CLTC: variants seen among roughly 807,000 people sequenced by gnomAD.
CLTC encodes the protein clathrin heavy chain 1.
In CLTC, 16 loss-of-function variants were observed where a neutral mutation model predicts 195.8. The ratio of observed to expected loss-of-function variants is 0.08; its 90% CI spans 0.06 to 0.12. The LOEUF is 0.12. CLTC is among the 10% of genes least tolerant of loss of function. The pLI is 1.00. For missense variants in CLTC, 796 were observed against 2,027.0 expected (o/e 0.39, Z 11.66); for synonymous variants, 667 against 689.4 (o/e 0.97, Z 0.51).
chr17:59,683,832 T>A lies in CLTC; in HGVS notation c.4324-43T>A. 1.9e-6 allele frequency: 3 copies of A among 1,610,782 alleles called. No individual in the cohort carries two copies. In the African/African-American group the frequency reaches 4.0e-5, roughly 21 times the overall value. On this transcript the variant is annotated intron_variant, in intron 27 of 31. Coordinates refer to ENST00000269122, the MANE Select transcript of CLTC (RefSeq NM_004859.4). This position sits in a 1 kb window ranked among gnomAD's most constrained non-coding sequence, Gnocchi z 6.1. ...CTTCGATAACTTTTGTCCCTGGGAC[T>A]TCAATAATGTGCTATATTTGTAACA...
In CLTC at chr17:59,655,947, A is replaced by C. The variant is rs1355307689; in HGVS notation, c.889A>C (p.Arg297=). The change falls in exon 6 of 32, where the codon AGA becomes CGA. Residue 297 remains arginine, a synonymous_variant. Transcript: ENST00000269122. ...GACTGGTACCTGCATCTACATGAAT[A>C]GAATCAGTGGAGAAACAATTTTTGT... is the stretch of plus-strand genomic sequence containing the variant. ...LETGTCIYMN[R]ISGETIFVTA... 1 of 1,613,274 alleles carries C rather than the reference A, an allele frequency of 6.2e-7. No homozygotes were observed. Among genetic ancestry groups the C allele is most frequent in the Non-Finnish European group, 8.5e-7 (1 of 1,179,744 alleles).
At chr17:59,625,953 C>T (rs1049732215) in intron 1 of CLTC, among the ~76,000 whole-genome samples, 1 of 152,122 alleles carries the variant, frequency 6.6e-6, no homozygotes. Context: ...AAGTACTTTA[C>T]GTAGCATTTT....
intron 1 of CLTC, among the ~76,000 whole-genome samples, chr17:59,643,974 C>A (rs1050303040): frequency 6.6e-6 from 1 of 152,130 alleles, no homozygotes; most frequent in African/African-American, 2.4e-5. Flanking sequence ...TAAAATAAAT[C>A]AAGAAACTCA....
intron 1 of CLTC, among the ~76,000 whole-genome samples, chr17:59,636,428 A>C (rs1331192267): frequency 6.6e-6 from 1 of 152,152 alleles, no homozygotes; most frequent in Non-Finnish European, 1.5e-5. Flanking sequence ...TAGATTTCTG[A>C]GTCTCATTGC....
At chr17:59,644,580 T>C (rs1555603010) in intron 2 of CLTC, 97 bp downstream of exon 2, 7 of 1,023,692 alleles carry the variant, frequency 6.8e-6, no homozygotes, top group Non-Finnish European at 9.9e-6. Context: ...GACGGAGTTT[T>C]ACTCTTGTCA....
rs1419182252 is a variant in CLTC, at chr17:59,676,966, T to G, written c.2574T>G (p.Leu858=). The G allele has an allele frequency of 1.2e-6, 2 of 1,614,058 alleles. No individual in the cohort carries two copies. Among genetic ancestry groups the G allele is most frequent in the Non-Finnish European group, 1.7e-6 (2 of 1,179,950 alleles). ...EVEKRNRLKL[L]LPWLEARIHE... Reference sequence around the variant, plus strand: ...CCTTTTTTCCTAGATTGAAACTGCTTCTGCCTTGGCTAGAGGCCAGAATTC... The same window carrying G: ...CCTTTTTTCCTAGATTGAAACTGCTGCTGCCTTGGCTAGAGGCCAGAATTC... Residue 858 remains leucine, a synonymous_variant, in exon 17 of 32, where the codon CTT becomes CTG. Coordinates refer to ENST00000269122, the MANE Select transcript of CLTC (RefSeq NM_004859.4).
Position 59,694,551 on chromosome 17 carries a change from T to C in CLTC, c.*699T>C, listed in dbSNP as rs1051934066. 1 of 227,820 alleles carries C rather than the reference T, an allele frequency of 4.4e-6. No homozygotes were observed. Among genetic ancestry groups the C allele is most frequent in the East Asian group, 6.4e-5 (1 of 15,744 alleles). 14.1% of individuals were successfully genotyped at this position (227,820 alleles called of 1,614,324 possible). On this transcript the variant is annotated 3_prime_UTR_variant, in exon 32 of 32. Coordinates refer to ENST00000269122, the MANE Select transcript of CLTC (RefSeq NM_004859.4). ...TGTGCTGTATCCTGTGCTTTTTCTG[T>C]GGGACCATTCCATTCAGGAGCAAAG...
At position 59,623,745 on chromosome 17, in the gene CLTC, T is replaced by A. The variant is rs149691845; in HGVS notation, c.42+3572T>A. On this transcript the variant is annotated intron_variant, in intron 1 of 31. Coordinates refer to ENST00000269122, the MANE Select transcript of CLTC (RefSeq NM_004859.4). ...TTGTTACCGTTGTGGCTTTTTCTCTTTGAGTTATTGTCCAGTAGAACTTTC... is the reference window on the plus strand; with the variant it reads ...TTGTTACCGTTGTGGCTTTTTCTCTATGAGTTATTGTCCAGTAGAACTTTC... Among the ~76,000 whole-genome samples the A allele has an allele frequency of 3.0e-4, 46 of 152,346 alleles. No individual in the cohort carries two copies. The East Asian group carries it at 7.1e-3, about 24-fold the overall frequency.
In CLTC at chr17:59,683,783, T is replaced by A; in HGVS notation, c.4323+27T>A. ...TAAAGTAATAATTTTAAACCAAAGC[T>A]TCATAGCAAGGAATTAGGACATACT... On this transcript the variant is annotated intron_variant, in intron 27 of 31. Transcript: ENST00000269122. The surrounding 1 kb of genome is among the most constrained non-coding windows in gnomAD (Gnocchi z 6.1). The A allele has an allele frequency of 1.2e-6, 2 of 1,614,020 alleles. No homozygotes were observed. Among genetic ancestry groups the A allele is most frequent in the South Asian group, 2.2e-5 (2 of 91,074 alleles).
chr17:59,674,125 A>G (rs1322049929), intron 15 of CLTC, among the ~76,000 whole-genome samples: 1 of 151,892 alleles, frequency 6.6e-6, no homozygotes, highest in East Asian at 1.9e-4. Context: ...GTGCTTCCCT[A>G]GCAAGCCGAC....
At chr17:59,690,180 C>T (rs2033266270) in intron 30 of CLTC, 1 of 153,128 alleles carries the variant, frequency 6.5e-6, no homozygotes, top group South Asian at 2.1e-4. Context: ...AGAAGTTATA[C>T]ACAATTGGCA....
intron 17 of CLTC, among the ~76,000 whole-genome samples, chr17:59,677,781 C>G (rs567275428): frequency 6.6e-6 from 1 of 152,084 alleles, no homozygotes; most frequent in African/African-American, 2.4e-5. Context: ...TTTTCTATGA[C>G]GCTGATATCT....
intron 5 of CLTC, among the ~76,000 whole-genome samples, chr17:59,652,742 A>G (rs1189738764): frequency 2.6e-5 from 4 of 152,232 alleles, no homozygotes; most frequent in Non-Finnish European, 4.4e-5. Flanking sequence ...AAGTAGATTT[A>G]GCATAATTCT....
intron 1 of CLTC, among the ~76,000 whole-genome samples, chr17:59,631,969 C>A (rs1352741280): frequency 2.9e-3 from 363 of 127,132 alleles, no homozygotes; most frequent in Non-Finnish European, 3.3e-3. Context: ...GACCCTATCT[C>A]AAAAAAAAAA....
At chr17:59,691,160 T>C (rs141674988) in intron 31 of CLTC, among the ~76,000 whole-genome samples, 3 of 152,308 alleles carry the variant, frequency 2.0e-5, no homozygotes, top group Middle Eastern at 3.4e-3. Flanking sequence ...TCCAGAGAGA[T>C]AGGATCTTCA....
chr17:59,682,688 T>C lies in CLTC; in HGVS notation c.3660T>C (p.Asn1220=). The change falls in exon 23 of 32, where the codon AAT becomes AAC. Residue 1220 remains asparagine (N), a synonymous_variant. Transcript: ENST00000269122. This position sits in a 1 kb window ranked among gnomAD's most constrained non-coding sequence, Gnocchi z 6.8. The stretch of plus-strand genomic sequence containing the variant: ...ATGCTGCTAAGTTGTTGTACAATAA[T>C]GTTTCCAATTTTGGACGTTTGGCAT... ...MYDAAKLLYN[N]VSNFGRLAST... The C allele has an allele frequency of 6.2e-7, 1 of 1,614,154 alleles. No individual in the cohort carries two copies. The highest frequency in any genetic ancestry group is 8.5e-7 in the Non-Finnish European group (1 of 1,180,008).
At position 59,694,910 on chromosome 17, in the gene CLTC, A is replaced by T. The variant is rs1008757298; in HGVS notation, c.*1058A>T. 2 of 223,772 alleles carry T rather than the reference A, an allele frequency of 8.9e-6. No homozygotes were observed. Among genetic ancestry groups the T allele is most frequent in the African/African-American group, 4.5e-5 (2 of 44,828 alleles). 13.9% of individuals were successfully genotyped at this position (223,772 alleles called of 1,614,324 possible). ...GAGACATGTGAAGACATTGTGCATT[A>T]TATCAATGTGCATTCCTGTAGTTCA... On this transcript the variant is annotated 3_prime_UTR_variant, in exon 32 of 32. Coordinates refer to ENST00000269122, the MANE Select transcript of CLTC (RefSeq NM_004859.4).
In CLTC at chr17:59,660,725, T is replaced by C. The variant is rs1159646709; in HGVS notation, c.1167+137T>C. 7.2e-6 allele frequency: 6 copies of C among 834,692 alleles called. No homozygotes were observed. The East Asian group carries it at 1.0e-4, about 14-fold the overall frequency. The allele number at this position is 834,692 out of a possible 1,614,324, so 51.7% of individuals were successfully genotyped here. A position where few individuals can be genotyped will look rare whatever the true frequency, so the allele number is the denominator to read the frequency against. On this transcript the variant is annotated intron_variant, in intron 7 of 31. Transcript: ENST00000269122. ...ACATTTGGGTTACATTTTCCTTTAG[T>C]AGAATTCCTTGTCAATGCCTCTAGA...
intron 1 of CLTC, among the ~76,000 whole-genome samples, chr17:59,625,913 T>C (rs1056621586): frequency 1.3e-5 from 2 of 152,218 alleles, no homozygotes; most frequent in East Asian, 3.8e-4. Context: ...CTCACAAAGT[T>C]ATTATGAGGA....
Sources: allele counts gnomAD v4.1 joint callset (sites outside exome capture counted in the v4.1 genomes callset), GRCh38; gene constraint gnomAD v4.1.1; non-coding constraint Gnocchi (gnomAD v3.1); transcripts MANE v1.5; gene names NCBI Gene and HGNC (gene_info 2026-07-23, HGNC 2026-07-21).